Variants in PEAK1 observed in about 807,000 individuals in gnomAD.
PEAK1 encodes the protein inactive tyrosine-protein kinase PEAK1.
In PEAK1, 54 loss-of-function variants were observed where a neutral mutation model predicts 124.7. That is an observed-to-expected ratio of 0.43 (90% CI 0.35 to 0.54). The LOEUF (loss-of-function observed/expected upper bound fraction) is 0.54. Ranked by LOEUF, PEAK1 falls within the 20% of genes least tolerant of loss-of-function variation. PEAK1 has a pLI of 0.01. For missense variants in PEAK1, 2,046 were observed against 2,134.5 expected, an observed-to-expected ratio of 0.96 and a Z score of 0.82; for synonymous variants, 719 against 760.0, an observed-to-expected ratio of 0.95 and a Z score of 0.89.
chr15:77,333,359 A>G, intron 2 of PEAK1: 1 of 983,646 alleles, frequency 1.0e-6, no homozygotes, highest in Non-Finnish European at 1.2e-6. Flanking sequence ...CCAACATGCT[A>G]TCAAGTTAGA....
intron 5 of PEAK1, among the ~76,000 whole-genome samples, chr15:77,267,150 A>C (rs1400620287): frequency 6.6e-6 from 1 of 152,008 alleles, no homozygotes; most frequent in Non-Finnish European, 1.5e-5. Flanking sequence ...CTGGGAACAT[A>C]ATCTTCCTGG....
intron 2 of PEAK1, chr15:77,332,413 C>T: frequency 3.7e-6 from 1 of 269,970 alleles, no homozygotes; most frequent in Non-Finnish European, 5.7e-6. Flanking sequence ...TCCTGGCTAA[C>T]ACGGTGAAAC....
Position 77,304,442 on chromosome 15 carries a change from ATTTTTT to A in PEAK1, c.-602-17944_-602-17939del, listed in dbSNP as rs71145812. Among the ~76,000 whole-genome samples, 4 of 86,490 alleles carry A rather than the reference ATTTTTT, an allele frequency of 4.6e-5. 1 individual carries two copies. 56.7% of individuals were successfully genotyped at this position (86,490 alleles called of 152,430 possible). A position where few individuals can be genotyped will look rare whatever the true frequency, so the allele number is the denominator to read the frequency against. On this transcript the variant is annotated intron_variant, in intron 2 of 9. Transcript: ENST00000682557. ...ACTGTAGCTCCTAGCTCCTGTATACATTTTTTTTTTTTTTTTTTTTTTTTGAGACGG... is the reference window on the plus strand; with the variant it reads ...ACTGTAGCTCCTAGCTCCTGTATACATTTTTTTTTTTTTTTTTTGAGACGG...
chr15:77,416,185 T>A (rs2072873022), intron 1 of PEAK1, among the ~76,000 whole-genome samples: 1 of 152,168 alleles, frequency 6.6e-6, no homozygotes, highest in Middle Eastern at 3.2e-3. Flanking sequence ...AATAATATTC[T>A]CCCTCAGCTT....
At chr15:77,215,736 A>T (rs1230879616) in intron 6 of PEAK1, among the ~76,000 whole-genome samples, 2 of 152,162 alleles carry the variant, frequency 1.3e-5, no homozygotes, top group East Asian at 3.8e-4. Context: ...GCTTTTGATT[A>T]TCTTTTTCTT....
Position 77,179,338 on chromosome 15 carries a change from T to G in PEAK1, c.2589A>C (p.Gln863His). 2 of 1,613,730 alleles carry G rather than the reference T, an allele frequency of 1.2e-6. No homozygotes were observed. Among genetic ancestry groups the G allele is most frequent in the Non-Finnish European group, 1.7e-6 (2 of 1,179,880 alleles). ...PSPSKLVTSP[Q>H]SEPPAPFPPP... ...GGGGAAAGGGAGCTGGTGGCTCACT[T>G]TGGGGGCTAGTCACTAATTTGGAGG... is the stretch of plus-strand genomic sequence containing the variant. The change falls in exon 7 of 10, where the codon CAA (glutamine) becomes CAC (histidine). Residue 863 changes from glutamine to histidine, a missense_variant. By Grantham distance (24) the Gln-to-His change is conservative. Transcript: ENST00000682557.
chr15:77,394,418 A>G (rs1264351352), intron 1 of PEAK1, among the ~76,000 whole-genome samples: 1 of 152,218 alleles, frequency 6.6e-6, no homozygotes, highest in African/African-American at 2.4e-5. Flanking sequence ...ACTTCCAGGC[A>G]GCTCAGCACA....
At chr15:77,255,521 T>TGAG in intron 5 of PEAK1, 1 of 323,156 alleles carries the variant, frequency 3.1e-6, no homozygotes, top group Non-Finnish European at 4.5e-6. Context: ...ACAAGAAAAA[T>TGAG]ATTCCCAAAA....
chr15:77,180,771 T>C lies in PEAK1; in HGVS notation c.1156A>G (p.Asn386Asp), dbSNP rs767393175. The C allele has an allele frequency of 6.2e-7, 1 of 1,614,126 alleles. No homozygotes were observed. The highest frequency in any genetic ancestry group is 1.1e-5 in the South Asian group (1 of 91,076). The change falls in exon 7 of 10, where the codon AAT becomes GAT. Residue 386 changes from asparagine (N) to aspartate (D), a missense_variant. By Grantham distance (23) the Asn-to-Asp change is conservative. Coordinates refer to ENST00000682557, the MANE Select transcript of PEAK1 (RefSeq NM_001385026.1). ...DSKDMKEIEP[N>D]YESPSSNNQD... is the part of the protein sequence containing the mutation. The stretch of plus-strand genomic sequence containing the variant: ...TTATTACTAGAGGGACTTTCATAAT[T>C]GGGCTCAATTTCCTTCATGTCCTTA...
intron 6 of PEAK1, chr15:77,204,511 A>C (rs1007193298): frequency 6.5e-6 from 1 of 153,108 alleles, no homozygotes; most frequent in Non-Finnish European, 1.5e-5. Flanking sequence ...CAGCTTCACA[A>C]AGGCTCTCAT....
intron 5 of PEAK1, among the ~76,000 whole-genome samples, chr15:77,268,770 A>G (rs1165924535): frequency 6.6e-6 from 1 of 152,152 alleles, no homozygotes; most frequent in Non-Finnish European, 1.5e-5. Context: ...AGGCAAAAGT[A>G]TCAGGTAACC....
intron 5 of PEAK1, among the ~76,000 whole-genome samples, chr15:77,257,049 C>T (rs1376778413): frequency 2.6e-5 from 4 of 152,150 alleles, no homozygotes; most frequent in African/African-American, 4.8e-5. Context: ...CTACAAAGGA[C>T]ATGAACTCCT....
In PEAK1 at chr15:77,181,515, T is replaced by C. The variant is rs754798500; in HGVS notation, c.412A>G (p.Ser138Gly). The C allele has an allele frequency of 1.4e-5, 23 of 1,614,166 alleles. No individual in the cohort carries two copies. In the South Asian group the frequency reaches 1.9e-4, roughly 13 times the overall value. ...TTGTTATCTGACATCTTCTTTGCAC[T>C]ATCATTATTGCCATAAGGCTTAGGA... ...HVPKPYGNND[S>G]AKKMSDNNNG... is the part of the protein sequence containing the mutation. Residue 138 changes from serine to glycine, a missense_variant, in exon 7 of 10, where the codon AGT becomes GGT. By Grantham distance (56) the Ser-to-Gly change is moderately conservative. Coordinates refer to ENST00000682557, the MANE Select transcript of PEAK1 (RefSeq NM_001385026.1).
intron 9 of PEAK1, among the ~76,000 whole-genome samples, chr15:77,117,796 A>AC (rs960683862): frequency 3.9e-5 from 6 of 152,144 alleles, no homozygotes; most frequent in African/African-American, 1.4e-4. Flanking sequence ...GAAAAAAAAA[A>AC]CTGTGACCTT....
intron 7 of PEAK1, among the ~76,000 whole-genome samples, chr15:77,160,326 AAAAGT>A (rs745518512): frequency 6.6e-6 from 1 of 152,332 alleles, no homozygotes; most frequent in Non-Finnish European, 1.5e-5. Flanking sequence ...GTTTTCTGGC[AAAAGT>A]TAATAGAAAC....
At chr15:77,116,444 A>T (rs985291642) in intron 9 of PEAK1, among the ~76,000 whole-genome samples, 1 of 152,198 alleles carries the variant, frequency 6.6e-6, no homozygotes, top group African/African-American at 2.4e-5. Flanking sequence ...AGCAAAACTT[A>T]AAAAAGCAAT....
chr15:77,375,830 C>T (rs560197697), intron 1 of PEAK1, among the ~76,000 whole-genome samples: 1 of 151,848 alleles, frequency 6.6e-6, no homozygotes, highest in South Asian at 2.1e-4. Flanking sequence ...CCTGTCTCTA[C>T]TAAAAAAAAC....
chr15:77,332,057 C>CACAGTA (rs2065920248), intron 2 of PEAK1: 1 of 441,776 alleles, frequency 2.3e-6, no homozygotes. Flanking sequence ...GCCAACATGG[C>CACAGTA]GAAACTGTCT....
intron 6 of PEAK1, among the ~76,000 whole-genome samples, chr15:77,246,394 C>T (rs577830762): frequency 6.6e-6 from 1 of 152,054 alleles, no homozygotes; most frequent in Admixed American, 6.5e-5. Context: ...CATGGTGGCT[C>T]ATGCCTGTAA....
Sources: allele counts gnomAD v4.1 joint callset (sites outside exome capture counted in the v4.1 genomes callset), GRCh38; gene constraint gnomAD v4.1.1; transcripts MANE v1.5; gene names NCBI Gene and HGNC (gene_info 2026-07-23, HGNC 2026-07-21).